The following ITGB1 variants were observed in gnomAD, a reference collection of about 807,000 sequenced individuals.
ITGB1 encodes the protein integrin beta-1.
ITGB1 carries 24 observed loss-of-function variants against 86.5 expected under a neutral mutation model. The ratio of observed to expected loss-of-function variants is 0.28; its 90% confidence interval spans 0.20 to 0.39. The LOEUF (loss-of-function observed/expected upper bound fraction) is 0.39. Among genes scored for constraint, ITGB1 ranks in the 10% least tolerant of loss-of-function variants. ITGB1 has a pLI of 1.00. For synonymous variants in ITGB1, 323 were observed against 316.8 expected (o/e 1.02, Z -0.21); for missense variants, 556 against 946.9 (o/e 0.59, Z 5.42).
Position 32,920,337 on chromosome 10 carries a change from C to T in ITGB1, c.1177G>A (p.Val393Ile), listed in dbSNP as rs199697979. The T allele has an allele frequency of 6.2e-7, 1 of 1,612,984 alleles. No individual in the cohort carries two copies. Among genetic ancestry groups the T allele is most frequent in the South Asian group, 1.1e-5 (1 of 91,046 alleles). Residue 393 changes from valine (V) to isoleucine (I), a missense_variant, in exon 10 of 16, where the codon GTA (valine) becomes ATA (isoleucine). Physicochemically the swap from Val to Ile is conservative, Grantham distance 29 (BLOSUM62 3). Transcript: ENST00000302278. Reference sequence around the variant, plus strand: ...CAGTAAGATTTGTAACTTATTGTTACGCCTTCTGACAATTTGCCGTTTTCC... The same window carrying T: ...CAGTAAGATTTGTAACTTATTGTTATGCCTTCTGACAATTTGCCGTTTTCC... Reference protein sequence around the residue: ...ILENGKLSEGVTISYKSYCKN... With the variant: ...ILENGKLSEGITISYKSYCKN...
At chr10:32,913,398 C>G (rs571132211) in intron 11 of ITGB1, among the ~76,000 whole-genome samples, 67 of 152,208 alleles carry the variant, frequency 4.4e-4, no homozygotes, top group Non-Finnish European at 8.2e-4. Flanking sequence ...TCAAACCCAT[C>G]GCAAAGAAGC....
chr10:32,945,039 C>A, intron 1 of ITGB1: 2 of 567,402 alleles, frequency 3.5e-6, no homozygotes, highest in Non-Finnish European at 6.4e-6. Context: ...ATGAGCAAAC[C>A]TCCTATTCCT....
chr10:32,942,795 C>T (rs1225423847), intron 1 of ITGB1, among the ~76,000 whole-genome samples: 1 of 151,864 alleles, frequency 6.6e-6, no homozygotes, highest in Non-Finnish European at 1.5e-5. Context: ...GGCAATCCTC[C>T]CATCTCAGCC....
intron 1 of ITGB1, among the ~76,000 whole-genome samples, chr10:32,944,057 T>C (rs1412176676): frequency 1.3e-5 from 2 of 151,938 alleles, no homozygotes; most frequent in Admixed American, 6.6e-5. Context: ...GACAAGAAAG[T>C]TGGTTAGAGG....
chr10:32,906,934 GAA>G, intron 15 of ITGB1: 1 of 471,698 alleles, frequency 2.1e-6, no homozygotes, highest in Middle Eastern at 3.6e-4. Flanking sequence ...CATACAAAAA[GAA>G]AAGCCACAAT....
chr10:32,921,858 C>CA (rs879782581), intron 9 of ITGB1, among the ~76,000 whole-genome samples: 137 of 136,622 alleles, frequency 1.0e-3, no homozygotes, highest in South Asian at 2.2e-3. Context: ...GAAGAATTGG[C>CA]AAAAAAAAAA....
chr10:32,916,289 C>T (rs1037130839), intron 11 of ITGB1, among the ~76,000 whole-genome samples: 1 of 152,130 alleles, frequency 6.6e-6, no homozygotes. Flanking sequence ...CTATTCAACA[C>T]AGTGTTGGAA....
At chr10:32,943,177 C>T (rs529869217) in intron 1 of ITGB1, among the ~76,000 whole-genome samples, 1 of 152,196 alleles carries the variant, frequency 6.6e-6, no homozygotes, top group East Asian at 1.9e-4. Context: ...CTTAAATTTT[C>T]AATTACTTTA....
At chr10:32,917,081 A>G (rs2094934250) in intron 11 of ITGB1, among the ~76,000 whole-genome samples, 2 of 152,230 alleles carry the variant, frequency 1.3e-5, no homozygotes. Flanking sequence ...GACAAAAACA[A>G]GAAATGGGGA....
intron 1 of ITGB1, among the ~76,000 whole-genome samples, chr10:32,937,329 G>A (rs927812456): frequency 2.6e-5 from 4 of 152,090 alleles, no homozygotes; most frequent in African/African-American, 7.2e-5. Context: ...AGACCAAGGC[G>A]GGTGGATCAC....
chr10:32,956,943 T>C (rs1178693989), intron 1 of ITGB1, among the ~76,000 whole-genome samples: 2 of 152,198 alleles, frequency 1.3e-5, no homozygotes, highest in Non-Finnish European at 2.9e-5. Context: ...ACTTGTGGTT[T>C]AAACGCGGAC....
At position 32,944,841 on chromosome 10, in the gene ITGB1, T is replaced by C. The variant is rs563729277; in HGVS notation, c.1-9283A>G. On this transcript the variant is annotated intron_variant, in intron 1 of 15. Transcript: ENST00000302278. ...CCCAAAACTGTGGGCACTGATGATC[T>C]GACTGGGGATCCTCTCATTCAGCAT... The C allele has an allele frequency of 2.7e-4, 310 of 1,163,426 alleles. 2 individuals carry two copies. The highest frequency in any genetic ancestry group is 2.3e-3 in the South Asian group (191 of 81,958). 72.1% of individuals were successfully genotyped at this position (1,163,426 alleles called of 1,614,324 possible).
intron 11 of ITGB1, among the ~76,000 whole-genome samples, chr10:32,912,634 G>A (rs1433724441): frequency 6.6e-6 from 1 of 152,176 alleles, no homozygotes; most frequent in African/African-American, 2.4e-5. Flanking sequence ...CCCCATTGCT[G>A]AGGCTTGAGT....
At chr10:32,905,597 C>T (rs1486689209) in intron 15 of ITGB1, among the ~76,000 whole-genome samples, 1 of 152,148 alleles carries the variant, frequency 6.6e-6, no homozygotes, top group Non-Finnish European at 1.5e-5. Context: ...ACTCTGGAGC[C>T]CAACTGCCTG....
At chr10:32,955,634 C>A (rs763785868) in intron 1 of ITGB1, 1 of 152,182 alleles carries the variant, frequency 6.6e-6, no homozygotes, top group Non-Finnish European at 1.5e-5. Context: ...AAAACTGGCA[C>A]CATGTTAAGT....
Position 32,922,606 on chromosome 10 carries a change from T to C in ITGB1, c.1038+34A>G, listed in dbSNP as rs748007371. 7 of 1,324,048 alleles carry C rather than the reference T, an allele frequency of 5.3e-6. No individual in the cohort carries two copies. In the South Asian group the frequency reaches 8.8e-5, roughly 17 times the overall value. 82.0% of individuals were successfully genotyped at this position (1,324,048 alleles called of 1,614,324 possible). A position where few individuals can be genotyped will look rare whatever the true frequency, so the allele number is the denominator to read the frequency against. On this transcript the variant is annotated intron_variant, in intron 8 of 15. Coordinates refer to ENST00000302278, the MANE Select transcript of ITGB1 (RefSeq NM_002211.4). ...ATTTGCCTCTAACAATCAAAAATGT[T>C]TAGAATCTTGTTCTTTTTATCTCAC...
rs375572295 is a variant in ITGB1 at position 32,910,433 on chromosome 10, A to G, written c.1954T>C (p.Phe652Leu). ...GTGTCTTTCTTTTCTCCTTTATTGAAGGCTCTGCACTGAACACATTCTCTG... is the reference window on the plus strand; with the variant it reads ...GTGTCTTTCTTTTCTCCTTTATTGAGGGCTCTGCACTGAACACATTCTCTG... ...EHKECVQCRAFNKGEKKDTCT... is the reference protein window; with the variant it reads ...EHKECVQCRALNKGEKKDTCT... The change falls in exon 14 of 16, where the codon TTC becomes CTC. Residue 652 changes from phenylalanine (F) to leucine (L), a missense_variant. Physicochemically the swap from Phe to Leu is conservative, Grantham distance 22. Transcript: ENST00000302278. The G allele has an allele frequency of 2.2e-5, 35 of 1,591,414 alleles. No individual in the cohort carries two copies. Among genetic ancestry groups the G allele is most frequent in the Non-Finnish European group, 3.0e-5 (35 of 1,163,112 alleles).
intron 9 of ITGB1, 35 bp downstream of exon 9, chr10:32,922,222 T>C (rs1169154491): frequency 3.9e-6 from 5 of 1,269,328 alleles, no homozygotes; most frequent in African/African-American, 1.5e-5. Flanking sequence ...CAACAGGGTA[T>C]TGTCCAAAAC....
At chr10:32,933,979 A>C (rs2094992523) in intron 2 of ITGB1, among the ~76,000 whole-genome samples, 1 of 152,160 alleles carries the variant, frequency 6.6e-6, no homozygotes, top group Non-Finnish European at 1.5e-5. Context: ...TGCACATATA[A>C]ACACCCCAAG....
Sources: allele counts gnomAD v4.1 joint callset (sites outside exome capture counted in the v4.1 genomes callset), GRCh38; gene constraint gnomAD v4.1.1; transcripts MANE v1.5; gene names NCBI Gene and HGNC (gene_info 2026-07-23, HGNC 2026-07-21).